CSMD3: variants seen among roughly 807,000 people sequenced by gnomAD.
CSMD3 encodes the protein CUB and sushi domain-containing protein 3.
In CSMD3, 177 loss-of-function variants were observed where a neutral mutation model predicts 435.2. The observed-to-expected ratio is 0.41, with a 90% confidence interval of 0.36 to 0.46. The LOEUF is 0.46. Ranked by LOEUF, CSMD3 falls within the 20% of genes least tolerant of loss-of-function variation. CSMD3 has a pLI of 0.34. For missense variants in CSMD3, 4,265 were observed against 4,504.6 expected (o/e 0.95, Z 1.52); for synonymous variants, 1,656 against 1,520.5 (o/e 1.09, Z -2.07).
intron 5 of CSMD3, among the ~76,000 whole-genome samples, chr8:113,077,467 C>G (rs969883665): frequency 6.6e-6 from 1 of 151,958 alleles, no homozygotes; most frequent in African/African-American, 2.4e-5. Flanking sequence ...TTTGGGAGGC[C>G]GAAACGGGTG....
intron 9 of CSMD3, among the ~76,000 whole-genome samples, chr8:112,936,554 C>G (rs560161075): frequency 2.0e-5 from 3 of 151,964 alleles, no homozygotes; most frequent in Non-Finnish European, 2.9e-5. Context: ...TATCTTTAAT[C>G]GTGACACTAG....
At chr8:112,642,965 A>G (rs1020928315) in intron 20 of CSMD3, among the ~76,000 whole-genome samples, 1 of 152,314 alleles carries the variant, frequency 6.6e-6, no homozygotes, top group South Asian at 2.1e-4. Flanking sequence ...ATAAGCTGGA[A>G]TGCATCCAGA....
intron 59 of CSMD3, among the ~76,000 whole-genome samples, chr8:112,278,701 T>C (rs554092653): frequency 2.0e-5 from 3 of 152,258 alleles, no homozygotes; most frequent in Non-Finnish European, 4.4e-5. Context: ...CTCCAGTCCA[T>C]ACCTAAACTC....
chr8:112,380,322 T>G, intron 38 of CSMD3, 30 bp downstream of exon 38: 1 of 1,197,670 alleles, frequency 8.3e-7, no homozygotes, highest in Non-Finnish European at 1.2e-6. Context: ...GTTCTTAACC[T>G]TTTTGAATGG....
intron 26 of CSMD3, among the ~76,000 whole-genome samples, chr8:112,551,197 C>T (rs1421527600): frequency 6.6e-6 from 1 of 152,026 alleles, no homozygotes; most frequent in Non-Finnish European, 1.5e-5. Context: ...AGGCACTGTG[C>T]AAAATGCGTT....
chr8:112,602,286 T>C (rs961830398), intron 22 of CSMD3, among the ~76,000 whole-genome samples: 19 of 152,108 alleles, frequency 1.2e-4, no homozygotes, highest in African/African-American at 4.6e-4. Flanking sequence ...TGACTCTCTA[T>C]GCATTTGAAA....
chr8:112,627,309 G>C (rs1417187998), intron 22 of CSMD3, among the ~76,000 whole-genome samples: 4 of 152,056 alleles, frequency 2.6e-5, no homozygotes, highest in Non-Finnish European at 5.9e-5. Context: ...GTATGCTCTA[G>C]GTATTTCTGA....
At chr8:112,528,968 A>C (rs1277448565) in intron 27 of CSMD3, among the ~76,000 whole-genome samples, 1 of 152,090 alleles carries the variant, frequency 6.6e-6, no homozygotes, top group Admixed American at 6.5e-5. Context: ...CAGAGATGGA[A>C]GCTAGGGGCA....
chr8:112,530,255 A>C (rs1316631149), intron 27 of CSMD3, among the ~76,000 whole-genome samples: 1 of 152,184 alleles, frequency 6.6e-6, no homozygotes, highest in African/African-American at 2.4e-5. Flanking sequence ...ATAATAGCTA[A>C]AATTTTCCCA....
intron 27 of CSMD3, among the ~76,000 whole-genome samples, chr8:112,522,291 T>A (rs1313183680): frequency 2.6e-5 from 4 of 151,902 alleles, no homozygotes; most frequent in Non-Finnish European, 4.4e-5. Flanking sequence ...TTTTTCAAGA[T>A]ATGTTGTTTT....
intron 1 of CSMD3, among the ~76,000 whole-genome samples, chr8:113,340,621 T>G (rs1344010972): frequency 6.6e-6 from 1 of 152,140 alleles, no homozygotes; most frequent in Non-Finnish European, 1.5e-5. Context: ...ACACTTGTAA[T>G]CCCAGCACTT....
At chr8:113,150,696 T>C (rs2091785995) in intron 4 of CSMD3, among the ~76,000 whole-genome samples, 2 of 152,180 alleles carry the variant, frequency 1.3e-5, no homozygotes, top group South Asian at 4.1e-4. Context: ...TCATGTTTTA[T>C]TCTTAATTGC....
chr8:112,474,659 A>G (rs1363419275), intron 31 of CSMD3, among the ~76,000 whole-genome samples: 1 of 152,138 alleles, frequency 6.6e-6, no homozygotes, highest in Non-Finnish European at 1.5e-5. Flanking sequence ...TTTAAAGAGC[A>G]CTGCATGCAG....
chr8:113,117,470 C>T (rs1032928244), intron 4 of CSMD3, among the ~76,000 whole-genome samples: 2 of 152,184 alleles, frequency 1.3e-5, no homozygotes, highest in Non-Finnish European at 2.9e-5. Flanking sequence ...GGAAGTGGAG[C>T]CCTCATAAAG....
At chr8:113,341,073 G>A (rs2094115531) in intron 1 of CSMD3, among the ~76,000 whole-genome samples, 1 of 151,644 alleles carries the variant, frequency 6.6e-6, no homozygotes, top group African/African-American at 2.4e-5. Flanking sequence ...TTTTTTAATT[G>A]TACATATTTC....
chr8:113,080,414 T>C (rs1363465436), intron 5 of CSMD3, among the ~76,000 whole-genome samples: 1 of 152,204 alleles, frequency 6.6e-6, no homozygotes, highest in Non-Finnish European at 1.5e-5. Context: ...ATATTCATTA[T>C]GAGCCTACCA....
intron 27 of CSMD3, among the ~76,000 whole-genome samples, chr8:112,518,543 C>A (rs981097853): frequency 2.0e-5 from 3 of 151,392 alleles, no homozygotes; most frequent in South Asian, 2.1e-4. Context: ...AATGGAGCAT[C>A]ATGCATCAAA....
chr8:112,442,517 A>C (rs567776431), intron 32 of CSMD3, among the ~76,000 whole-genome samples: 2 of 152,290 alleles, frequency 1.3e-5, no homozygotes, highest in African/African-American at 4.8e-5. Context: ...CATGATTTTT[A>C]CCTCTGTATC....
At chr8:112,547,876 C>T (rs1277420278) in intron 27 of CSMD3, among the ~76,000 whole-genome samples, 1 of 151,960 alleles carries the variant, frequency 6.6e-6, no homozygotes, top group Non-Finnish European at 1.5e-5. Context: ...ATGTTTAATA[C>T]CTGGTTCTTA....
Sources: allele counts gnomAD v4.1 joint callset (sites outside exome capture counted in the v4.1 genomes callset), GRCh38; gene constraint gnomAD v4.1.1; transcripts MANE v1.5; gene names NCBI Gene and HGNC (gene_info 2026-07-23, HGNC 2026-07-21).